DAB2IP: variants seen among roughly 807,000 people sequenced by gnomAD.
DAB2IP encodes the protein DAB2 interacting protein, also known as disabled homolog 2-interacting protein.
A neutral mutation model predicts 107.2 loss-of-function variants in DAB2IP; 28 were observed. That is an observed-to-expected ratio of 0.26 (90% CI 0.19 to 0.36). DAB2IP has a LOEUF of 0.36. Among genes scored for constraint, DAB2IP ranks in the 10% least tolerant of loss-of-function variants. DAB2IP has a pLI of 1.00. For synonymous variants in DAB2IP, 755 were observed against 706.4 expected, an observed-to-expected ratio of 1.07 and a Z score of -1.09; for missense variants, 1,400 against 1,644.7, an observed-to-expected ratio of 0.85 and a Z score of 2.57.
intron 2 of DAB2IP, among the ~76,000 whole-genome samples, chr9:121,681,187 A>G (rs1018464062): frequency 6.6e-6 from 1 of 151,600 alleles, no homozygotes; most frequent in African/African-American, 2.4e-5. Flanking sequence ...CCAAGATTCG[A>G]CCCCAGGTCT....
intron 1 of DAB2IP, among the ~76,000 whole-genome samples, chr9:121,569,756 A>G (rs1390834076): frequency 6.6e-6 from 1 of 152,186 alleles, no homozygotes; most frequent in Non-Finnish European, 1.5e-5. Flanking sequence ...GGGAGGCAAA[A>G]GCTACAGTGA....
intron 1 of DAB2IP, among the ~76,000 whole-genome samples, chr9:121,572,844 C>T (rs904359646): frequency 6.6e-6 from 1 of 152,048 alleles, no homozygotes; most frequent in Non-Finnish European, 1.5e-5. Context: ...TGGTTGCTTT[C>T]GATATCATGG....
exon 13 of DAB2IP, chr9:121,774,325 G>A (rs371735785): frequency 2.6e-5 from 42 of 1,613,276 alleles, no homozygotes; most frequent in South Asian, 8.8e-5. Context: ...CCATGAACGC[G>A]CAGTTGTTAG....
At chr9:121,767,264 T>C (rs1434478177) in intron 9 of DAB2IP, among the ~76,000 whole-genome samples, 1 of 152,228 alleles carries the variant, frequency 6.6e-6, no homozygotes, top group Non-Finnish European at 1.5e-5. Context: ...CTGTTGTTCA[T>C]TCTCAAAACA....
rs1279594781 is a variant in DAB2IP, at chr9:121,624,182, A to C, written c.41-54496A>C. On this transcript the variant is annotated intron_variant, in intron 1 of 16. Transcript: ENST00000259371. ...ACCTTCTCCATGAAGCAGCTTTTCC[A>C]GGCAGAGTCTATGGTTGTCTGTGCC... 2.6e-5 allele frequency among the ~76,000 whole-genome samples: 4 copies of C among 152,188 alleles called. No homozygotes were observed. The East Asian group carries it at 7.7e-4, about 29-fold the overall frequency.
chr9:121,631,735 G>C (rs1358352220), intron 1 of DAB2IP, among the ~76,000 whole-genome samples: 1 of 147,658 alleles, frequency 6.8e-6, no homozygotes, highest in Non-Finnish European at 1.5e-5. Context: ...AGAATCGCTT[G>C]AACCCGGGAG....
intron 1 of DAB2IP, among the ~76,000 whole-genome samples, chr9:121,671,099 C>T (rs1302593201): frequency 6.6e-5 from 10 of 151,956 alleles, no homozygotes; most frequent in Non-Finnish European, 1.2e-4. Context: ...TGCAGTGAGC[C>T]GAGATCGTGC....
chr9:121,591,417 C>T (rs529755123), intron 1 of DAB2IP, among the ~76,000 whole-genome samples: 9 of 152,236 alleles, frequency 5.9e-5, no homozygotes, highest in South Asian at 2.1e-4. Flanking sequence ...TGCAATGAGC[C>T]GAGATCGTGC....
At chr9:121,642,841 G>T (rs1228678764) in intron 1 of DAB2IP, among the ~76,000 whole-genome samples, 1 of 152,100 alleles carries the variant, frequency 6.6e-6, no homozygotes, top group African/African-American at 2.4e-5. Flanking sequence ...AATAAAACAG[G>T]GCAATGGGAT....
chr9:121,623,251 G>A (rs1831535745), intron 1 of DAB2IP, among the ~76,000 whole-genome samples: 1 of 152,198 alleles, frequency 6.6e-6, no homozygotes, highest in African/African-American at 2.4e-5. Context: ...ACATCCAGGG[G>A]TGGTGCAGGG....
Position 121,635,372 on chromosome 9 carries a change from G to A in DAB2IP, c.41-43306G>A, listed in dbSNP as rs1448084235. 6.6e-6 allele frequency among the ~76,000 whole-genome samples: 1 copy of A among 152,212 alleles called. No homozygotes were observed. Among genetic ancestry groups the A allele is most frequent in the Non-Finnish European group, 1.5e-5 (1 of 68,040 alleles). ...TTCCATCCTTATTTTACCACCAGGA[G>A]CACCAAGTTCTAGAGTAAATCTGTG... On this transcript the variant is annotated intron_variant, in intron 1 of 16. Transcript: ENST00000259371. This position sits in a 1 kb window ranked among gnomAD's most constrained non-coding sequence, Gnocchi z 4.3.
intron 1 of DAB2IP, among the ~76,000 whole-genome samples, chr9:121,676,396 G>A (rs970936414): frequency 2.6e-5 from 4 of 152,176 alleles, no homozygotes; most frequent in African/African-American, 9.7e-5. Context: ...GTCTGGGAGT[G>A]TACACATTGG....
chr9:121,712,939 G>A (rs190070564), intron 3 of DAB2IP, among the ~76,000 whole-genome samples: 1 of 152,328 alleles, frequency 6.6e-6, no homozygotes, highest in African/African-American at 2.4e-5. Flanking sequence ...ATCCACACCG[G>A]CACTCCAGAG....
rs114210702 is a variant in DAB2IP at position 121,733,222 on chromosome 9, G to A, written c.363-23791G>A. On this transcript the variant is annotated intron_variant, in intron 3 of 15. Transcript: ENST00000408936. ...TTCTGTCCTACAGACGGATCCTGGG[G>A]CAGTTGGTGGGTTTTAGCAGCACCC... is the stretch of plus-strand genomic sequence containing the variant. Among the ~76,000 whole-genome samples the A allele has an allele frequency of 4.6e-3, 703 of 152,334 alleles. 10 individuals carry two copies. Among genetic ancestry groups the A allele is most frequent in the African/African-American group, 0.016 (676 of 41,570 alleles).
At chr9:121,608,560 G>A (rs1190764615) in intron 1 of DAB2IP, among the ~76,000 whole-genome samples, 1 of 152,086 alleles carries the variant, frequency 6.6e-6, no homozygotes, top group South Asian at 2.1e-4. Flanking sequence ...AGGTAGTGAT[G>A]GGAATAAAGC....
At chr9:121,664,200 T>C (rs533403028) in intron 1 of DAB2IP, among the ~76,000 whole-genome samples, 13 of 152,370 alleles carry the variant, frequency 8.5e-5, no homozygotes, top group African/African-American at 2.6e-4. Context: ...TGCCCATGTA[T>C]GTATGGGTCT....
chr9:121,763,930 C>T lies in DAB2IP; in HGVS notation c.1460+51C>T, dbSNP rs996837187. The T allele has an allele frequency of 4.4e-6, 7 of 1,598,452 alleles. No homozygotes were observed. In the African/African-American group the frequency reaches 8.0e-5, roughly 18 times the overall value. On this transcript the variant is annotated intron_variant, in intron 8 of 15. Coordinates refer to ENST00000408936, the Ensembl canonical transcript of DAB2IP. Reference sequence around the variant, plus strand: ...ACCCTGTCGCCTTCCCCATCCTGTCCTTCAGTGTCTGGCACCCGCAGTGTG... The same window carrying T: ...ACCCTGTCGCCTTCCCCATCCTGTCTTTCAGTGTCTGGCACCCGCAGTGTG...
chr9:121,755,328 C>T (rs890021721), intron 3 of DAB2IP, among the ~76,000 whole-genome samples: 3 of 152,240 alleles, frequency 2.0e-5, no homozygotes, highest in Non-Finnish European at 2.9e-5. Flanking sequence ...AGCAGAGGCA[C>T]ATGCTGGGCT....
At chr9:121,742,364 G>C (rs1832414368) in intron 3 of DAB2IP, among the ~76,000 whole-genome samples, 1 of 152,250 alleles carries the variant, frequency 6.6e-6, no homozygotes, top group Non-Finnish European at 1.5e-5. Flanking sequence ...GGGAGGCAGA[G>C]GTTGTAGTGA....
Sources: gnomAD v4.1 joint callset for allele counts (sites outside exome capture counted in the v4.1 genomes callset) on GRCh38, gnomAD v4.1.1 for gene constraint, Gnocchi (gnomAD v3.1) non-coding constraint, MANE v1.5 for transcripts, NCBI Gene and HGNC (gene_info 2026-07-23, HGNC 2026-07-21) for gene names.